ZFP82: variants seen among roughly 807,000 people sequenced by gnomAD.
ZFP82 encodes ZFP82 zinc finger protein.
Under a neutral mutation model 54.0 loss-of-function variants are expected in ZFP82, and 30 were observed. The ratio of observed to expected loss-of-function variants is 0.56; its 90% CI spans 0.42 to 0.75. The LOEUF (loss-of-function observed/expected upper bound fraction) is 0.75, where lower values mean the gene tolerates loss of function less well. Among genes scored for constraint, ZFP82 ranks in the 30% least tolerant of loss-of-function variants. The pLI is 0.00. For synonymous variants in ZFP82, 194 were observed against 209.5 expected (o/e 0.93, Z 0.64); for missense variants, 500 against 636.8 (o/e 0.79, Z 2.31).
At chr19:36,394,353 ATC>A in intron 4 of ZFP82, 1 of 453,620 alleles carries the variant, frequency 2.2e-6, no homozygotes. Context: ...TGAGGTGTGG[ATC>A]AGAATCACCA....
chr19:36,386,798 A>G (rs2032120614), downstream of ZFP82, among the ~76,000 whole-genome samples: 1 of 152,186 alleles, frequency 6.6e-6, no homozygotes, highest in Admixed American at 6.5e-5. Context: ...TTAGCTGGGC[A>G]TGGTGGCAGA....
intron 1 of ZFP82, among the ~76,000 whole-genome samples, chr19:36,414,940 G>A (rs1254359689): frequency 6.6e-6 from 1 of 151,364 alleles, no homozygotes; most frequent in Admixed American, 6.6e-5. Context: ...TCATGCCTCA[G>A]CCTCCCAAGC....
downstream of ZFP82, among the ~76,000 whole-genome samples, chr19:36,388,601 T>A (rs553910659): frequency 2.0e-5 from 3 of 152,230 alleles, no homozygotes; most frequent in African/African-American, 4.8e-5. Flanking sequence ...CTTAAATTTT[T>A]AAAAAAACCT....
intron 1 of ZFP82, among the ~76,000 whole-genome samples, chr19:36,417,040 T>A: frequency 1.1e-5 from 1 of 95,142 alleles, no homozygotes; most frequent in Admixed American, 1.6e-4. Context: ...GCCACTGCAC[T>A]CCAACCTGGG....
chr19:36,388,149 G>A (rs916669183), downstream of ZFP82, among the ~76,000 whole-genome samples: 9 of 152,230 alleles, frequency 5.9e-5, no homozygotes, highest in South Asian at 6.2e-4. Flanking sequence ...ATGAGAACAG[G>A]CCAGGCCCCA....
In ZFP82 at chr19:36,389,828, A is replaced by C. The variant is rs1600095235; in HGVS notation, c.*2913T>G. ...ATGCATAGATGATAAACTCCACTGCAAGCATGCCTTTCATATACAAACCAA... is the reference window on the plus strand; with the variant it reads ...ATGCATAGATGATAAACTCCACTGCCAGCATGCCTTTCATATACAAACCAA... On this transcript the variant is annotated 3_prime_UTR_variant, in exon 5 of 5. Coordinates refer to ENST00000392161, the MANE Select transcript of ZFP82 (RefSeq NM_133466.4). Among the ~76,000 whole-genome samples, 1 of 152,136 alleles carries C rather than the reference A, an allele frequency of 6.6e-6. No homozygotes were observed. Among genetic ancestry groups the C allele is most frequent in the Admixed American group, 6.5e-5 (1 of 15,276 alleles).
chr19:36,399,651 T>A (rs968755950), intron 4 of ZFP82, among the ~76,000 whole-genome samples: 8 of 152,224 alleles, frequency 5.3e-5, no homozygotes, highest in Admixed American at 3.9e-4. Flanking sequence ...TCTAATTTAA[T>A]TTAATAAATG....
chr19:36,407,669 C>A (rs541990824), intron 3 of ZFP82, among the ~76,000 whole-genome samples: 1 of 152,302 alleles, frequency 6.6e-6, no homozygotes, highest in Admixed American at 6.5e-5. Context: ...TCAAACCCAG[C>A]CCCTTCATTA....
rs1364045253 is a variant in ZFP82 at position 36,391,548 on chromosome 19, G to A, written c.*1193C>T. On this transcript the variant is annotated 3_prime_UTR_variant, in exon 5 of 5. Coordinates refer to ENST00000392161, the MANE Select transcript of ZFP82 (RefSeq NM_133466.4). ...AGTGGTACAATCACAGCTCACTGAA[G>A]CCTCAACTCTTGGGTTCAAATGATC... is the stretch of plus-strand genomic sequence containing the variant. 6.6e-6 allele frequency: 1 copy of A among 151,080 alleles called. No homozygotes were observed. Among genetic ancestry groups the A allele is most frequent in the Admixed American group, 6.6e-5 (1 of 15,164 alleles). 9.4% of individuals were successfully genotyped at this position (151,080 alleles called of 1,614,324 possible).
At chr19:36,418,072 C>T (rs1422664606) in intron 1 of ZFP82, among the ~76,000 whole-genome samples, 1 of 152,028 alleles carries the variant, frequency 6.6e-6, no homozygotes, top group African/African-American at 2.4e-5. Context: ...CACGCCATCA[C>T]ACCCGGCTCA....
chr19:36,389,039 CT>C lies in ZFP82; in HGVS notation c.*3701del, dbSNP rs1287359019. 1.6e-5 allele frequency among the ~76,000 whole-genome samples: 2 copies of C among 122,618 alleles called. No homozygotes were observed. Among genetic ancestry groups the C allele is most frequent in the Admixed American group, 9.8e-5 (1 of 10,248 alleles). The allele number at this position is 122,618 out of a possible 152,430, so 80.4% of individuals were successfully genotyped here. A position where few individuals can be genotyped will look rare whatever the true frequency, so the allele number is the denominator to read the frequency against. On this transcript the variant is annotated 3_prime_UTR_variant, in exon 5 of 5. Transcript: ENST00000392161. The stretch of plus-strand genomic sequence containing the variant: ...AGTCTACAATTTCAGACTTGATTTT[CT>C]TTCTTTTTTTTTTTTTTTGAGATGG...
At chr19:36,414,316 C>G (rs1401150942) in intron 1 of ZFP82, among the ~76,000 whole-genome samples, 1 of 149,784 alleles carries the variant, frequency 6.7e-6, no homozygotes, top group Non-Finnish European at 1.5e-5. Context: ...CAGCATTGCT[C>G]TTAAAACATT....
intron 1 of ZFP82, among the ~76,000 whole-genome samples, chr19:36,417,167 C>G (rs1406708373): frequency 6.6e-6 from 1 of 151,300 alleles, no homozygotes; most frequent in African/African-American, 2.4e-5. Context: ...AAATACTCAC[C>G]ACAATTGGCT....
At chr19:36,395,235 T>C (rs1179737804) in intron 4 of ZFP82, 1 of 152,196 alleles carries the variant, frequency 6.6e-6, no homozygotes, top group Non-Finnish European at 1.5e-5. Flanking sequence ...AGCAAAGGTA[T>C]TGAGGAGTTC....
intron 4 of ZFP82, among the ~76,000 whole-genome samples, chr19:36,399,689 T>C (rs541880060): frequency 6.6e-6 from 1 of 152,310 alleles, no homozygotes; most frequent in African/African-American, 2.4e-5. Context: ...TGTAAACTCA[T>C]GAATAACAAG....
chr19:36,409,827 G>A lies in ZFP82; in HGVS notation c.-38C>T. The stretch of plus-strand genomic sequence containing the variant: ...CAAGAACTGGTCAGTCCTCCTTGGG[G>A]TTTACTTGCCAGGAGAAGCACCGAG... On this transcript the variant is annotated 5_prime_UTR_variant, in exon 2 of 5. Coordinates refer to ENST00000392161, the MANE Select transcript of ZFP82 (RefSeq NM_133466.4). 2 of 1,613,390 alleles carry A rather than the reference G, an allele frequency of 1.2e-6. No individual in the cohort carries two copies. Among genetic ancestry groups the A allele is most frequent in the Non-Finnish European group, 1.7e-6 (2 of 1,179,560 alleles).
intron 1 of ZFP82, among the ~76,000 whole-genome samples, chr19:36,414,935 C>T (rs1252919470): frequency 6.6e-6 from 1 of 151,670 alleles, no homozygotes; most frequent in African/African-American, 2.4e-5. Context: ...GGTCCTCATG[C>T]CTCAGCCTCC....
chr19:36,408,808 A>T (rs112363341), intron 2 of ZFP82, among the ~76,000 whole-genome samples: 5,915 of 151,432 alleles, frequency 0.039, 356 homozygotes, highest in African/African-American at 0.14. Flanking sequence ...CAAGAACAAA[A>T]CTCCGTCTCA....
chr19:36,400,861 T>G (rs922067256), intron 4 of ZFP82, among the ~76,000 whole-genome samples: 1 of 152,138 alleles, frequency 6.6e-6, no homozygotes, highest in African/African-American at 2.4e-5. Flanking sequence ...CTCATTCTTG[T>G]TACTGCCTCA....
Sources: gnomAD v4.1 joint callset for allele counts (sites outside exome capture counted in the v4.1 genomes callset) on GRCh38, gnomAD v4.1.1 for gene constraint, MANE v1.5 for transcripts, NCBI Gene and HGNC (gene_info 2026-07-23, HGNC 2026-07-21) for gene names.